TET2: variants seen among roughly 807,000 people sequenced by gnomAD.
TET2 encodes the protein tet methylcytosine dioxygenase 2.
TET2 carries 299 observed loss-of-function variants against 142.9 expected under a neutral mutation model. The observed-to-expected ratio is 2.09, with a 90% CI of 1.90 to 2.30. TET2 has a LOEUF of 2.30. Ranked by LOEUF, TET2 falls within the 30% of genes most tolerant of loss-of-function variation. TET2 has a pLI of 0.00. For missense variants in TET2, 2,418 were observed against 2,378.0 expected (o/e 1.02, Z -0.35); for synonymous variants, 819 against 849.0 (o/e 0.96, Z 0.61).
At chr4:105,172,130 T>C (rs1724505693) in intron 1 of TET2, among the ~76,000 whole-genome samples, 1 of 152,126 alleles carries the variant, frequency 6.6e-6, no homozygotes, top group Admixed American at 6.5e-5. Flanking sequence ...GTGTGTCTAT[T>C]TGCAATGCAT....
At chr4:105,269,226 C>T (rs1052898989) in intron 8 of TET2, among the ~76,000 whole-genome samples, 24 of 152,056 alleles carry the variant, frequency 1.6e-4, no homozygotes, top group African/African-American at 5.1e-4. Flanking sequence ...AAATTAACTC[C>T]AAATAAATCC....
At chr4:105,260,430 C>T (rs2110286200) in intron 7 of TET2, among the ~76,000 whole-genome samples, 1 of 151,446 alleles carries the variant, frequency 6.6e-6, no homozygotes, top group South Asian at 2.1e-4. Flanking sequence ...AATGAAAATC[C>T]ATTTAATACC....
chr4:105,183,184 A>G (rs1344620953), intron 1 of TET2, among the ~76,000 whole-genome samples: 1 of 152,182 alleles, frequency 6.6e-6, no homozygotes, highest in East Asian at 1.9e-4. Flanking sequence ...TAAGAGAACC[A>G]TGGTAGTAGA....
intron 2 of TET2, among the ~76,000 whole-genome samples, chr4:105,221,131 GTTTATC>G (rs1727790921): frequency 1.3e-5 from 2 of 151,960 alleles, no homozygotes; most frequent in African/African-American, 4.8e-5. Flanking sequence ...TTCTAATTAT[GTTTATC>G]TTTATTATTA....
chr4:105,262,266 A>G lies in TET2; in HGVS notation c.4044+418A>G, dbSNP rs1730473007. Among the ~76,000 whole-genome samples, 4 of 152,348 alleles carry G rather than the reference A, an allele frequency of 2.6e-5. No individual in the cohort carries two copies. In the South Asian group the frequency reaches 8.3e-4, roughly 32 times the overall value. ...CAAATATTCACATAAAGCTATGCATATACTAACATTGTAAGTATATATATT... is the reference window on the plus strand; with the variant it reads ...CAAATATTCACATAAAGCTATGCATGTACTAACATTGTAAGTATATATATT... On this transcript the variant is annotated intron_variant, in intron 8 of 10. Coordinates refer to ENST00000380013, the MANE Select transcript of TET2 (RefSeq NM_001127208.3).
intron 2 of TET2, 87 bp downstream of exon 2, chr4:105,190,592 T>C (rs9993497): frequency 0.029 from 19,068 of 666,264 alleles, 1,132 homozygotes; most frequent in African/African-American, 0.18. Flanking sequence ...AACTTCAACT[T>C]CAAGTTACCC....
At chr4:105,151,185 G>A (rs1470864134) in intron 1 of TET2, among the ~76,000 whole-genome samples, 2 of 151,974 alleles carry the variant, frequency 1.3e-5, no homozygotes, top group African/African-American at 4.8e-5. Flanking sequence ...GTGGGGCATG[G>A]TGGTACATTC....
chr4:105,211,481 C>T (rs1727157591), intron 2 of TET2, among the ~76,000 whole-genome samples: 2 of 152,060 alleles, frequency 1.3e-5, no homozygotes, highest in Non-Finnish European at 2.9e-5. Flanking sequence ...CAGTCCAGCC[C>T]CCTGAGGTGA....
chr4:105,145,944 A>C (rs1045538329), upstream of TET2: 2 of 152,086 alleles, frequency 1.3e-5, no homozygotes, highest in Admixed American at 1.3e-4. Flanking sequence ...GGTCTTTAAA[A>C]ATACAGGCCC....
At chr4:105,222,373 C>A (rs1036659401) in intron 2 of TET2, among the ~76,000 whole-genome samples, 37 of 152,218 alleles carry the variant, frequency 2.4e-4, no homozygotes, top group Non-Finnish European at 4.9e-4. Context: ...CTCTCCAGCA[C>A]TTGTTGTGTC....
At chr4:105,220,760 C>T (rs1452818575) in intron 2 of TET2, among the ~76,000 whole-genome samples, 3 of 152,272 alleles carry the variant, frequency 2.0e-5, no homozygotes, top group South Asian at 4.1e-4. Flanking sequence ...GAGAGGCCTA[C>T]AAGGGCTCTC....
chr4:105,221,224 A>AG lies in TET2; in HGVS notation c.-46-12673_-46-12672insG, dbSNP rs557951807. 1.2e-4 allele frequency among the ~76,000 whole-genome samples: 19 copies of AG among 152,284 alleles called. No individual in the cohort carries two copies. The South Asian group carries it at 3.9e-3, about 32-fold the overall frequency. On this transcript the variant is annotated intron_variant, in intron 2 of 10. Coordinates refer to ENST00000380013, the MANE Select transcript of TET2 (RefSeq NM_001127208.3). ...CCAGGAATAAGCCCAAATTCAAAAA[A>AG]CAATTCCAGGATTAACAGATAAGTG... is the stretch of plus-strand genomic sequence containing the variant.
intron 2 of TET2, among the ~76,000 whole-genome samples, chr4:105,216,634 G>T (rs1050826616): frequency 6.6e-6 from 1 of 151,928 alleles, no homozygotes; most frequent in African/African-American, 2.4e-5. Context: ...GTAATGATTT[G>T]CCACAGGTTA....
intron 1 of TET2, among the ~76,000 whole-genome samples, chr4:105,151,235 G>T (rs1451024237): frequency 6.6e-6 from 1 of 152,064 alleles, no homozygotes; most frequent in Non-Finnish European, 1.5e-5. Context: ...ATAGGAGGAT[G>T]GATTGAGCTC....
chr4:105,237,652 C>A, intron 3 of TET2: 3 of 1,403,624 alleles, frequency 2.1e-6, no homozygotes, highest in Non-Finnish European at 2.8e-6. Context: ...GCCTATTTAG[C>A]TCTTTGTATA....
intron 2 of TET2, among the ~76,000 whole-genome samples, chr4:105,221,262 T>A (rs533946848): frequency 6.6e-6 from 1 of 152,098 alleles, no homozygotes; most frequent in Non-Finnish European, 1.5e-5. Context: ...TAATAGAGAA[T>A]TGACAAAAGA....
chr4:105,162,935 T>G (rs1363684282), intron 1 of TET2, among the ~76,000 whole-genome samples: 1 of 152,152 alleles, frequency 6.6e-6, no homozygotes, highest in Non-Finnish European at 1.5e-5. Flanking sequence ...GAAGTAATTT[T>G]GGGAAATATG....
intron 2 of TET2, among the ~76,000 whole-genome samples, chr4:105,213,357 G>A (rs1727286895): frequency 6.6e-6 from 1 of 152,146 alleles, no homozygotes. Flanking sequence ...TTGAGAGGAA[G>A]CATACTAAAA....
At position 105,278,782 on chromosome 4, in the gene TET2, A is replaced by C; in HGVS notation, c.*2263A>C. The C allele has an allele frequency of 4.3e-6, 1 of 232,996 alleles. No homozygotes were observed. 14.4% of individuals were successfully genotyped at this position (232,996 alleles called of 1,614,324 possible). On this transcript the variant is annotated 3_prime_UTR_variant, in exon 11 of 11. Transcript: ENST00000380013. ...CTGAGTTGATAAAGGGAAAAATTGTAAGGCAGGAGTTTGGCAAGTGGCTGT... is the reference window on the plus strand; with the variant it reads ...CTGAGTTGATAAAGGGAAAAATTGTCAGGCAGGAGTTTGGCAAGTGGCTGT...
Sources: gnomAD v4.1 joint callset for allele counts (sites outside exome capture counted in the v4.1 genomes callset) on GRCh38, gnomAD v4.1.1 for gene constraint, MANE v1.5 for transcripts, NCBI Gene and HGNC (gene_info 2026-07-23, HGNC 2026-07-21) for gene names.